MTMR7: variants seen among roughly 807,000 people sequenced by gnomAD.
MTMR7 encodes myotubularin related protein 7.
Under a neutral mutation model 81.2 loss-of-function variants are expected in MTMR7, and 76 were observed. The ratio of observed to expected loss-of-function variants is 0.94; its 90% CI spans 0.78 to 1.13. The LOEUF (loss-of-function observed/expected upper bound fraction) is 1.13, where lower values mean the gene tolerates loss of function less well. Ranked by LOEUF, MTMR7 falls within the 50% of genes most tolerant of loss-of-function variation. MTMR7 has a pLI of 0.00. For missense variants in MTMR7, 1,044 were observed against 820.0 expected (o/e 1.27, Z -3.34); for synonymous variants, 372 against 289.8 (o/e 1.28, Z -2.88).
At chr8:17,359,290 C>T (rs1819990949) in intron 4 of MTMR7, among the ~76,000 whole-genome samples, 1 of 152,000 alleles carries the variant, frequency 6.6e-6, no homozygotes, top group Admixed American at 6.6e-5. Context: ...GTTTAAGTAC[C>T]ATATAGCAAT....
rs764605962 is a variant in MTMR7, at chr8:17,311,432, G to A, written c.1101+79C>T. 1.4e-4 allele frequency: 228 copies of A among 1,579,562 alleles called. 1 individual carries two copies. Among genetic ancestry groups the A allele is most frequent in the Non-Finnish European group, 1.8e-4 (213 of 1,158,912 alleles). Reference sequence around the variant, plus strand: ...AAATAATGCTGGCAAGAAAACAGCAGTTGCCAGTAGTTGTAAAAACAGGGG... The same window carrying A: ...AAATAATGCTGGCAAGAAAACAGCAATTGCCAGTAGTTGTAAAAACAGGGG... On this transcript the variant is annotated intron_variant, in intron 9 of 13. Transcript: ENST00000180173.
chr8:17,399,008 C>T (rs1348347565), intron 1 of MTMR7, among the ~76,000 whole-genome samples: 8 of 152,082 alleles, frequency 5.3e-5, no homozygotes, highest in Admixed American at 3.9e-4. Flanking sequence ...ATACAACAGA[C>T]TCACAGCTAG....
intron 3 of MTMR7, among the ~76,000 whole-genome samples, chr8:17,369,677 G>A (rs1475435434): frequency 3.5e-4 from 41 of 115,798 alleles, no homozygotes; most frequent in Non-Finnish European, 4.3e-4. Flanking sequence ...ACAGAGTCTC[G>A]TTCTGTCACC....
rs529881493 is a variant in MTMR7 at position 17,413,317 on chromosome 8, C to T, written c.-25G>A. 14 of 1,529,182 alleles carry T rather than the reference C, an allele frequency of 9.2e-6. No homozygotes were observed. The Middle Eastern group carries it at 8.6e-4, about 94-fold the overall frequency. 94.7% of individuals were successfully genotyped at this position (1,529,182 alleles called of 1,614,324 possible). On this transcript the variant is annotated 5_prime_UTR_variant, in exon 1 of 14. Coordinates refer to ENST00000180173, the MANE Select transcript of MTMR7 (RefSeq NM_004686.5). ...TGGCTGGCCCACGTCTGCAGGGTCC[C>T]GGGCGGGCGCGGCCTCACGCACCTG...
At chr8:17,334,608 A>AT (rs1819166938) in intron 6 of MTMR7, among the ~76,000 whole-genome samples, 1 of 152,242 alleles carries the variant, frequency 6.6e-6, no homozygotes, top group Non-Finnish European at 1.5e-5. Flanking sequence ...AGAAGTTAAT[A>AT]AATGAAGCAA....
rs989536875 is a variant in MTMR7, at chr8:17,297,010, T to A, written c.*2852A>T. ...TTGAATATGCCCGTATGAATGTGGG[T>A]TCTGTTTTTGCAACAGAGATTAAGT... On this transcript the variant is annotated 3_prime_UTR_variant, in exon 14 of 14. Coordinates refer to ENST00000180173, the MANE Select transcript of MTMR7 (RefSeq NM_004686.5). 3 of 152,190 alleles carry A rather than the reference T, an allele frequency of 2.0e-5. No homozygotes were observed. Among genetic ancestry groups the A allele is most frequent in the African/African-American group, 7.2e-5 (3 of 41,466 alleles). 9.4% of individuals were successfully genotyped at this position (152,190 alleles called of 1,614,324 possible). A position where few individuals can be genotyped will look rare whatever the true frequency, so the allele number is the denominator to read the frequency against.
chr8:17,323,990 A>G (rs1309581958), intron 7 of MTMR7, among the ~76,000 whole-genome samples: 1 of 152,204 alleles, frequency 6.6e-6, no homozygotes, highest in African/African-American at 2.4e-5. Flanking sequence ...GCTGAGAGAA[A>G]TATAACTACT....
At chr8:17,323,183 G>C (rs900230561) in intron 7 of MTMR7, among the ~76,000 whole-genome samples, 2 of 151,796 alleles carry the variant, frequency 1.3e-5, no homozygotes, top group African/African-American at 4.8e-5. Flanking sequence ...CTGACCTCAG[G>C]TTATCCACCT....
At position 17,301,217 on chromosome 8, in the gene MTMR7, G is replaced by A. The variant is rs1586127258; in HGVS notation, c.1620+937C>T. ...CAGACCCAGCCTTAAGGAACATGGA[G>A]TAGTGGAGCAGAGAGAGGCAGAGTT... On this transcript the variant is annotated intron_variant, in intron 13 of 13. Transcript: ENST00000180173. Among the ~76,000 whole-genome samples, 3 of 152,358 alleles carry A rather than the reference G, an allele frequency of 2.0e-5. No individual in the cohort carries two copies. The East Asian group carries it at 5.8e-4, about 29-fold the overall frequency.
At chr8:17,387,275 C>T (rs180972562) in intron 1 of MTMR7, among the ~76,000 whole-genome samples, 8 of 152,308 alleles carry the variant, frequency 5.3e-5, no homozygotes, top group South Asian at 2.1e-4. Flanking sequence ...GCCTGGAGAG[C>T]CCATATCATC....
At chr8:17,383,190 C>A (rs116275184) in intron 1 of MTMR7, among the ~76,000 whole-genome samples, 197 of 152,200 alleles carry the variant, frequency 1.3e-3, no homozygotes, top group African/African-American at 4.5e-3. Flanking sequence ...CCCTCTCAGT[C>A]CCTACTTAAC....
At chr8:17,391,996 G>A (rs1821123285) in intron 1 of MTMR7, among the ~76,000 whole-genome samples, 2 of 152,050 alleles carry the variant, frequency 1.3e-5, no homozygotes, top group African/African-American at 4.8e-5. Flanking sequence ...GACTTTTCCT[G>A]GCCTAAGAAA....
intron 4 of MTMR7, among the ~76,000 whole-genome samples, chr8:17,356,728 A>AAATAAAAT (rs34450352): frequency 4.6e-5 from 7 of 151,600 alleles, no homozygotes; most frequent in Admixed American, 3.3e-4. Flanking sequence ...AAATAAAATA[A>AAATAAAAT]AATAACCTTG....
intron 1 of MTMR7, among the ~76,000 whole-genome samples, chr8:17,403,957 C>G (rs1177154089): frequency 6.6e-5 from 10 of 152,090 alleles, no homozygotes; most frequent in African/African-American, 1.7e-4. Context: ...TTGTCAGTTC[C>G]AATCTTTTTT....
intron 1 of MTMR7, among the ~76,000 whole-genome samples, chr8:17,406,146 T>A (rs897017662): frequency 6.6e-6 from 1 of 151,940 alleles, no homozygotes; most frequent in African/African-American, 2.4e-5. Context: ...AAAGAAAAAA[T>A]AAGTTGGACT....
rs927901376 is a variant in MTMR7 at position 17,377,359 on chromosome 8, T to A, written c.25-4119A>T. On this transcript the variant is annotated intron_variant, in intron 1 of 13. Coordinates refer to ENST00000180173, the MANE Select transcript of MTMR7 (RefSeq NM_004686.5). ...GCAGATTTTCAAATTTTTACAATCT[T>A]TTAATTCTTATCTGTGGGTAAACCC... 2.2e-4 allele frequency among the ~76,000 whole-genome samples: 33 copies of A among 152,110 alleles called. 1 individual carries two copies. Among genetic ancestry groups the A allele is most frequent in the Non-Finnish European group, 1.0e-4 (7 of 67,974 alleles).
intron 10 of MTMR7, among the ~76,000 whole-genome samples, chr8:17,306,939 G>A (rs1178668249): frequency 6.6e-6 from 1 of 152,012 alleles, no homozygotes; most frequent in Non-Finnish European, 1.5e-5. Flanking sequence ...AAAAACCCTA[G>A]AAGAAAACCT....
rs571951620 is a variant in MTMR7, at chr8:17,404,743, T to C, written c.24+8526A>G. On this transcript the variant is annotated intron_variant, in intron 1 of 13. Transcript: ENST00000180173. ...ACCTGAGAAACTTAATCTCAGGTAA[T>C]AGAGACTTACCCAACAATTTAAATA... Among the ~76,000 whole-genome samples the C allele has an allele frequency of 5.3e-5, 8 of 152,296 alleles. No homozygotes were observed. In the South Asian group the frequency reaches 1.7e-3, roughly 32 times the overall value.
intron 3 of MTMR7, among the ~76,000 whole-genome samples, chr8:17,367,686 A>T (rs1820271018): frequency 6.6e-6 from 1 of 152,182 alleles, no homozygotes; most frequent in African/African-American, 2.4e-5. Flanking sequence ...TAACTCAGTA[A>T]AGAGATAATC....
Sources: allele counts gnomAD v4.1 joint callset (sites outside exome capture counted in the v4.1 genomes callset), GRCh38; gene constraint gnomAD v4.1.1; transcripts MANE v1.5; gene names NCBI Gene and HGNC (gene_info 2026-07-23, HGNC 2026-07-21).